The following TRAPPC12 variants were observed in gnomAD, a reference collection of about 807,000 sequenced individuals.
TRAPPC12 encodes the protein trafficking protein particle complex subunit 12, also known as TPR repeat protein 15.
A neutral mutation model predicts 69.2 loss-of-function variants in TRAPPC12; 61 were observed. That is an observed-to-expected ratio of 0.88 (90% CI 0.72 to 1.09). TRAPPC12 has a LOEUF of 1.09. Among genes scored for constraint, TRAPPC12 ranks in the 50% least tolerant of loss-of-function variants. The probability of loss-of-function intolerance (pLI) is 0.00; values close to 1 mark genes in which losing one functional copy is unlikely to be tolerated. For synonymous variants in TRAPPC12, 469 were observed against 438.9 expected, an observed-to-expected ratio of 1.07 and a Z score of -0.86; for missense variants, 1,101 against 1,016.4, an observed-to-expected ratio of 1.08 and a Z score of -1.13.
intron 1 of TRAPPC12, among the ~76,000 whole-genome samples, chr2:3,383,156 T>G (rs1660303958): frequency 6.6e-6 from 1 of 152,210 alleles, no homozygotes; most frequent in Non-Finnish European, 1.5e-5. Flanking sequence ...TTTATTAATT[T>G]GTAGGGATTC....
At chr2:3,425,814 C>T (rs777934824) in intron 5 of TRAPPC12, among the ~76,000 whole-genome samples, 5 of 152,112 alleles carry the variant, frequency 3.3e-5, no homozygotes, top group African/African-American at 1.2e-4. Flanking sequence ...AATAATAATT[C>T]CTATAGAAGT....
chr2:3,389,574 C>G (rs1021439733), intron 2 of TRAPPC12: 39 of 440,828 alleles, frequency 8.8e-5, no homozygotes, highest in African/African-American at 7.2e-4. Flanking sequence ...CTCTTTTCGA[C>G]CCGCATCTGC....
chr2:3,383,871 G>GTTTTTTGTTTT (rs1660353878), intron 1 of TRAPPC12, among the ~76,000 whole-genome samples: 1 of 85,592 alleles, frequency 1.2e-5, no homozygotes, highest in Non-Finnish European at 2.3e-5. Context: ...GTTCAGTCTT[G>GTTTTTTGTTTT]TTTTTTTTTT....
At chr2:3,390,536 G>A (rs1660764076) in intron 2 of TRAPPC12, among the ~76,000 whole-genome samples, 1 of 152,178 alleles carries the variant, frequency 6.6e-6, no homozygotes, top group Admixed American at 6.5e-5. Flanking sequence ...CCTCATCTTT[G>A]CAATGGAATA....
intron 5 of TRAPPC12, among the ~76,000 whole-genome samples, chr2:3,442,194 C>A (rs558242639): frequency 6.6e-6 from 1 of 152,056 alleles, no homozygotes; most frequent in South Asian, 2.1e-4. Context: ...AAACTGAGAT[C>A]GGAGTATTAA....
intron 6 of TRAPPC12, chr2:3,455,464 T>C (rs1056050421): frequency 3.6e-4 from 10 of 27,662 alleles, no homozygotes; most frequent in African/African-American, 1.1e-3. Context: ...TTTGTTCTAT[T>C]TTTTTTTTGT....
rs909094411 is a variant in TRAPPC12 at position 3,479,082 on chromosome 2, C to T, written c.1966-137C>T. 3.3e-6 allele frequency: 5 copies of T among 1,511,016 alleles called. No homozygotes were observed. The East Asian group carries it at 1.2e-4, about 35-fold the overall frequency. The allele number at this position is 1,511,016 out of a possible 1,614,324, so 93.6% of individuals were successfully genotyped here. ...GGCTGTGGCCCTTAGGGGAAGTGAC[C>T]CAACAGGGCCACCTAGGCTCTGCCC... is the stretch of plus-strand genomic sequence containing the variant. On this transcript the variant is annotated intron_variant, in intron 11 of 11. Coordinates refer to ENST00000324266, the MANE Select transcript of TRAPPC12 (RefSeq NM_016030.6).
At chr2:3,478,752 G>T (rs1328585567) in intron 10 of TRAPPC12, 94 bp from the exon 11 acceptor site, 1 of 1,082,180 alleles carries the variant, frequency 9.2e-7, no homozygotes. Flanking sequence ...CCATACGCTG[G>T]GTCTCTGTGG....
At chr2:3,392,246 C>T (rs956870290) in intron 2 of TRAPPC12, among the ~76,000 whole-genome samples, 1 of 152,072 alleles carries the variant, frequency 6.6e-6, no homozygotes, top group Non-Finnish European at 1.5e-5. Flanking sequence ...GAAACAGATC[C>T]GAATGACTTG....
chr2:3,453,039 C>T (rs1304709763), intron 6 of TRAPPC12, among the ~76,000 whole-genome samples: 5 of 152,246 alleles, frequency 3.3e-5, no homozygotes, highest in Admixed American at 2.0e-4. Context: ...TCAGCCTGAA[C>T]TTGAACCCAC....
chr2:3,420,747 A>T (rs1662732853), intron 3 of TRAPPC12, among the ~76,000 whole-genome samples: 1 of 152,212 alleles, frequency 6.6e-6, no homozygotes, highest in African/African-American at 2.4e-5. Context: ...TAGGCGTTTC[A>T]TGAGCAGGTC....
At chr2:3,445,790 C>G (rs1056409335) in intron 6 of TRAPPC12, among the ~76,000 whole-genome samples, 1 of 152,240 alleles carries the variant, frequency 6.6e-6, no homozygotes, top group African/African-American at 2.4e-5. Context: ...CGAGAGTCCT[C>G]TCTTCCACCC....
chr2:3,450,220 C>A (rs1021653329), intron 6 of TRAPPC12, among the ~76,000 whole-genome samples: 11 of 152,340 alleles, frequency 7.2e-5, no homozygotes, highest in African/African-American at 2.6e-4. Context: ...TGCCAGCGAC[C>A]CAGCCCTGAA....
chr2:3,452,331 G>A (rs1260795154), intron 6 of TRAPPC12, among the ~76,000 whole-genome samples: 4 of 152,208 alleles, frequency 2.6e-5, no homozygotes, highest in East Asian at 1.9e-4. Context: ...GGTCTCAGAG[G>A]TCTCTATGTC....
chr2:3,439,866 G>GT (rs1322481419), intron 5 of TRAPPC12, among the ~76,000 whole-genome samples: 2 of 149,660 alleles, frequency 1.3e-5, no homozygotes, highest in Non-Finnish European at 1.5e-5. Flanking sequence ...GGGGTAAGAT[G>GT]TAAGATCTGT....
intron 8 of TRAPPC12, 98 bp from the exon 9 acceptor site, chr2:3,465,499 C>T: frequency 1.2e-6 from 1 of 842,758 alleles, no homozygotes; most frequent in Middle Eastern, 2.6e-4. Flanking sequence ...CGTGTCCTCT[C>T]TCTACACCGC....
In TRAPPC12 at chr2:3,383,871, G is replaced by GTTTTTTTTTTTTTTTTTT. The variant is rs34956958; in HGVS notation, c.-4-3725_-4-3708dup. Reference sequence around the variant, plus strand: ...TATTCCCTTGTGATAGTTCAGTCTTGTTTTTTTTTTTTTTTTTTTTTTTTT... The same window carrying GTTTTTTTTTTTTTTTTTT: ...TATTCCCTTGTGATAGTTCAGTCTTGTTTTTTTTTTTTTTTTTTTTTTTTTTTTTTTTTTTTTTTTTTT... On this transcript the variant is annotated intron_variant, in intron 1 of 11. Coordinates refer to ENST00000324266, the MANE Select transcript of TRAPPC12 (RefSeq NM_016030.6). Among the ~76,000 whole-genome samples the GTTTTTTTTTTTTTTTTTT allele has an allele frequency of 2.7e-4, 23 of 85,590 alleles. 3 individuals carry two copies. The highest frequency in any genetic ancestry group is 4.5e-4 in the Admixed American group (3 of 6,644). 56.2% of individuals were successfully genotyped at this position (85,590 alleles called of 152,430 possible).
At chr2:3,410,814 G>C (rs929674406) in intron 3 of TRAPPC12, among the ~76,000 whole-genome samples, 1 of 152,106 alleles carries the variant, frequency 6.6e-6, no homozygotes, top group Non-Finnish European at 1.5e-5. Context: ...GGCAGATCAC[G>C]AGGTCAAGAG....
rs1055094962 is a variant in TRAPPC12, at chr2:3,440,177, T to C, written c.1418-3602T>C. Among the ~76,000 whole-genome samples the C allele has an allele frequency of 4.6e-5, 7 of 152,340 alleles. No individual in the cohort carries two copies. In the East Asian group the frequency reaches 1.3e-3, roughly 29 times the overall value. On this transcript the variant is annotated intron_variant, in intron 5 of 11. Transcript: ENST00000324266. ...TTGATATTGTGTTGGATGTTCTGGG[T>C]GTTTTCCTTCTCCATATTAACTTCA...
Sources: gnomAD v4.1 joint callset for allele counts (sites outside exome capture counted in the v4.1 genomes callset) on GRCh38, gnomAD v4.1.1 for gene constraint, MANE v1.5 for transcripts, NCBI Gene and HGNC (gene_info 2026-07-23, HGNC 2026-07-21) for gene names.